DNM3: variants seen among roughly 807,000 people sequenced by gnomAD.
DNM3 encodes dynamin 3.
DNM3 carries 47 observed loss-of-function variants against 101.6 expected under a neutral mutation model. That is an observed-to-expected ratio of 0.46 (90% CI 0.37 to 0.59). The LOEUF (loss-of-function observed/expected upper bound fraction) is 0.59. Among genes scored for constraint, DNM3 ranks in the 20% least tolerant of loss-of-function variants. The pLI, the probability that DNM3 is intolerant of heterozygous loss-of-function variation, is 0.00. For synonymous variants in DNM3, 385 were observed against 387.9 expected, an observed-to-expected ratio of 0.99 and a Z score of 0.09; for missense variants, 849 against 1,085.7, an observed-to-expected ratio of 0.78 and a Z score of 3.06.
At chr1:171,954,249 A>G (rs1430674351) in intron 2 of DNM3, among the ~76,000 whole-genome samples, 1 of 152,192 alleles carries the variant, frequency 6.6e-6, no homozygotes, top group Non-Finnish European at 1.5e-5. Context: ...TTATCATAGT[A>G]AATCTCTTTT....
At chr1:172,114,729 G>A (rs560917304) in intron 13 of DNM3, among the ~76,000 whole-genome samples, 49 of 152,298 alleles carry the variant, frequency 3.2e-4, no homozygotes, top group Middle Eastern at 3.4e-3. Context: ...TGGATGGGAA[G>A]ATTGAGGCTC....
At chr1:172,179,419 A>G (rs892625104) in intron 14 of DNM3, among the ~76,000 whole-genome samples, 9 of 152,016 alleles carry the variant, frequency 5.9e-5, no homozygotes, top group Non-Finnish European at 1.3e-4. Context: ...AAAGGATTAT[A>G]TAAGTATTAA....
At chr1:172,141,908 A>G (rs1320005945) in intron 14 of DNM3, among the ~76,000 whole-genome samples, 1 of 152,086 alleles carries the variant, frequency 6.6e-6, no homozygotes, top group African/African-American at 2.4e-5. Flanking sequence ...ACCGTTTTAG[A>G]TTGATCCTTT....
chr1:172,233,638 T>G (rs1265415246), intron 14 of DNM3, among the ~76,000 whole-genome samples: 1 of 152,182 alleles, frequency 6.6e-6, no homozygotes, highest in African/African-American at 2.4e-5. Flanking sequence ...GCAAAAATCC[T>G]CAATAAAATA....
chr1:171,915,478 G>A (rs1048609357), intron 1 of DNM3, among the ~76,000 whole-genome samples: 2 of 152,184 alleles, frequency 1.3e-5, no homozygotes. Flanking sequence ...GAATCAACAG[G>A]ACATGGTGAC....
At chr1:171,931,458 A>G (rs1472391636) in intron 2 of DNM3, among the ~76,000 whole-genome samples, 1 of 152,148 alleles carries the variant, frequency 6.6e-6, no homozygotes, top group Non-Finnish European at 1.5e-5. Context: ...ACTTCTGGTT[A>G]TTTATATTCT....
chr1:172,165,587 G>A (rs556298599), intron 14 of DNM3, among the ~76,000 whole-genome samples: 87 of 152,006 alleles, frequency 5.7e-4, no homozygotes, highest in Non-Finnish European at 1.0e-3. Flanking sequence ...GCTCCTCCCT[G>A]ACCTCCAGCA....
At chr1:172,396,189 C>T (rs1322781058) in intron 20 of DNM3, among the ~76,000 whole-genome samples, 2 of 152,108 alleles carry the variant, frequency 1.3e-5, no homozygotes, top group Admixed American at 6.5e-5. Flanking sequence ...GTTTTCTGGT[C>T]GAAGTTATCA....
At chr1:171,991,462 T>C (rs1035303467) in intron 4 of DNM3, among the ~76,000 whole-genome samples, 2 of 152,102 alleles carry the variant, frequency 1.3e-5, no homozygotes, top group Non-Finnish European at 2.9e-5. Context: ...ATAAAGAATA[T>C]TACAAGGGAT....
chr1:172,226,529 G>T (rs2061128462), intron 14 of DNM3, among the ~76,000 whole-genome samples: 1 of 152,142 alleles, frequency 6.6e-6, no homozygotes. Flanking sequence ...TAAGAGCATG[G>T]ACCCTGGAGC....
chr1:172,190,830 G>A (rs923297320), intron 14 of DNM3, among the ~76,000 whole-genome samples: 1 of 152,108 alleles, frequency 6.6e-6, no homozygotes, highest in African/African-American at 2.4e-5. Flanking sequence ...AGAAGTGTCT[G>A]TTCATATCCT....
intron 15 of DNM3, among the ~76,000 whole-genome samples, chr1:172,292,767 C>A (rs1180688793): frequency 1.3e-5 from 2 of 152,028 alleles, no homozygotes; most frequent in Admixed American, 6.6e-5. Flanking sequence ...TAAATTATAC[C>A]CATTTTAAAT....
chr1:172,367,326 A>C (rs1355616733), intron 17 of DNM3, among the ~76,000 whole-genome samples: 1 of 151,910 alleles, frequency 6.6e-6, no homozygotes, highest in Non-Finnish European at 1.5e-5. Flanking sequence ...ATTCATCACC[A>C]CTAGACCAGC....
chr1:171,863,300 T>C (rs2034375290), intron 1 of DNM3, among the ~76,000 whole-genome samples: 1 of 151,736 alleles, frequency 6.6e-6, no homozygotes, highest in African/African-American at 2.4e-5. Flanking sequence ...AACTGAAAGG[T>C]AAAGAAGCTG....
At chr1:171,866,661 TTTTTCTTTTTTTCATATGC>T (rs1358710043) in intron 1 of DNM3, among the ~76,000 whole-genome samples, 1 of 152,186 alleles carries the variant, frequency 6.6e-6, no homozygotes, top group Non-Finnish European at 1.5e-5. Flanking sequence ...TTTAAATTAA[TTTTTCTTTTTTTCATATGC>T]TTTTCTTTTT....
intron 14 of DNM3, among the ~76,000 whole-genome samples, chr1:172,178,187 A>T (rs1388817944): frequency 6.6e-6 from 1 of 151,910 alleles, no homozygotes; most frequent in Non-Finnish European, 1.5e-5. Context: ...CTGTCATATA[A>T]TCTTATGAGA....
At chr1:171,917,963 G>T (rs2039854034) in intron 1 of DNM3, among the ~76,000 whole-genome samples, 1 of 152,126 alleles carries the variant, frequency 6.6e-6, no homozygotes, top group South Asian at 2.1e-4. Context: ...GTGCTCAGTG[G>T]CTAATGAACT....
chr1:172,338,510 A>G (rs935744054), intron 17 of DNM3, among the ~76,000 whole-genome samples: 10 of 152,134 alleles, frequency 6.6e-5, no homozygotes, highest in African/African-American at 1.2e-4. Context: ...TCATTTTTCC[A>G]GTAGCTTAGG....
chr1:171,975,113 T>C (rs2044279289), intron 2 of DNM3, among the ~76,000 whole-genome samples: 1 of 152,158 alleles, frequency 6.6e-6, no homozygotes, highest in African/African-American at 2.4e-5. Flanking sequence ...TGTCTTGGCC[T>C]CCCAAAGCAG....
Sources: gnomAD v4.1 joint callset for allele counts (sites outside exome capture counted in the v4.1 genomes callset) on GRCh38, gnomAD v4.1.1 for gene constraint, MANE v1.5 for transcripts, NCBI Gene and HGNC (gene_info 2026-07-23, HGNC 2026-07-21) for gene names.